AP3B1: variants seen among roughly 807,000 people sequenced by gnomAD.
AP3B1 encodes adaptor related protein complex 3 subunit beta 1, also known as AP-3 complex subunit beta-1.
A neutral mutation model predicts 132.5 loss-of-function variants in AP3B1; 61 were observed. That is an observed-to-expected ratio of 0.46 (90% CI 0.37 to 0.57). AP3B1 has a LOEUF of 0.57. AP3B1 is among the 20% of genes least tolerant of loss of function. The pLI is 0.00. For synonymous variants in AP3B1, 388 were observed against 438.3 expected (o/e 0.89, Z 1.43); for missense variants, 1,120 against 1,289.4 (o/e 0.87, Z 2.01).
chr5:78,077,549 T>C (rs1453823050), intron 22 of AP3B1, among the ~76,000 whole-genome samples: 1 of 152,204 alleles, frequency 6.6e-6, no homozygotes, highest in Non-Finnish European at 1.5e-5. Context: ...TGACAGTGCG[T>C]CACCAACATA....
chr5:78,277,479 T>A lies in AP3B1; in HGVS notation c.129-9884A>T, dbSNP rs146591474. 6.1e-3 allele frequency among the ~76,000 whole-genome samples: 930 copies of A among 152,146 alleles called. 1 individual carries two copies. Among genetic ancestry groups the A allele is most frequent in the Middle Eastern group, 0.014 (4 of 294 alleles). On this transcript the variant is annotated intron_variant, in intron 1 of 26. Transcript: ENST00000255194. Reference sequence around the variant, plus strand: ...AACAAAAACATAAAGAAAGATCAGATAAGTAGTACACAAACAATTAAAATA... The same window carrying A: ...AACAAAAACATAAAGAAAGATCAGAAAAGTAGTACACAAACAATTAAAATA...
At chr5:78,136,681 T>A (rs1408106224) in intron 15 of AP3B1, among the ~76,000 whole-genome samples, 3 of 152,118 alleles carry the variant, frequency 2.0e-5, no homozygotes, top group African/African-American at 7.2e-5. Context: ...GTAGTATTTA[T>A]TTGTTAACCA....
chr5:78,047,801 C>A (rs2112118164), intron 22 of AP3B1, among the ~76,000 whole-genome samples: 1 of 152,352 alleles, frequency 6.6e-6, no homozygotes, highest in South Asian at 2.1e-4. Context: ...TGTCCTTTGT[C>A]TCTGACCAGG....
intron 7 of AP3B1, among the ~76,000 whole-genome samples, chr5:78,186,557 T>TA (rs1375487773): frequency 1.3e-5 from 2 of 152,302 alleles, no homozygotes; most frequent in African/African-American, 4.8e-5. Flanking sequence ...AATACTGTAT[T>TA]AGAGTTTTGC....
chr5:78,157,297 A>G (rs571322226), intron 13 of AP3B1, among the ~76,000 whole-genome samples: 11 of 152,292 alleles, frequency 7.2e-5, no homozygotes, highest in Admixed American at 5.2e-4. Context: ...GTGTTACATC[A>G]TATCTTGTTG....
At chr5:78,068,221 G>A (rs116229684) in intron 22 of AP3B1, among the ~76,000 whole-genome samples, 2,290 of 152,222 alleles carry the variant, frequency 0.015, 50 homozygotes, top group African/African-American at 0.051. Context: ...CTATCGGGAC[G>A]CTAAGGCAAG....
chr5:78,179,784 A>T (rs1744292404), intron 8 of AP3B1, among the ~76,000 whole-genome samples: 1 of 151,466 alleles, frequency 6.6e-6, no homozygotes, highest in Non-Finnish European at 1.5e-5. Flanking sequence ...GTACGAGGTT[A>T]AAAAAAAATC....
chr5:78,229,481 C>T (rs143151219), intron 3 of AP3B1, among the ~76,000 whole-genome samples: 1,598 of 151,822 alleles, frequency 0.011, 31 homozygotes, highest in African/African-American at 0.037. Context: ...GCCTGTAATC[C>T]CAGCACTTTG....
Position 78,216,219 on chromosome 5 carries a change from C to G in AP3B1, c.622G>C (p.Val208Leu). 1 of 1,613,956 alleles carries G rather than the reference C, an allele frequency of 6.2e-7. No homozygotes were observed. Among genetic ancestry groups the G allele is most frequent in the Middle Eastern group, 1.6e-4 (1 of 6,062 alleles). ...GGGCATACTTCTTCAAAAGCCATCA[C>G]AACACTGCCAGCTACCAACTAGAAA... ...DKSTLVAGSVVMAFEEVCPDR... is the reference protein window; with the variant it reads ...DKSTLVAGSVLMAFEEVCPDR... Residue 208 changes from valine (V) to leucine (L), a missense_variant, in exon 7 of 27, where the codon GTG becomes CTG. Coordinates refer to ENST00000255194, the MANE Select transcript of AP3B1 (RefSeq NM_003664.5).
At chr5:78,119,318 C>A (rs887184892) in intron 17 of AP3B1, among the ~76,000 whole-genome samples, 3 of 152,158 alleles carry the variant, frequency 2.0e-5, no homozygotes, top group Admixed American at 1.3e-4. Flanking sequence ...TCCTCACCAG[C>A]AACAGAACAA....
intron 3 of AP3B1, among the ~76,000 whole-genome samples, chr5:78,238,613 TA>T (rs1455468514): frequency 6.6e-6 from 1 of 152,022 alleles, no homozygotes; most frequent in Non-Finnish European, 1.5e-5. Context: ...TTTGTGTATC[TA>T]AACATAGAAA....
chr5:78,001,869 T>A (rs187090378), downstream of AP3B1: 1 of 152,204 alleles, frequency 6.6e-6, no homozygotes, highest in African/African-American at 2.4e-5. Context: ...TCTCTGATTA[T>A]AGAACAACCT....
intron 24 of AP3B1, among the ~76,000 whole-genome samples, chr5:78,022,820 A>G (rs1747161607): frequency 6.6e-6 from 1 of 152,116 alleles, no homozygotes; most frequent in Non-Finnish European, 1.5e-5. Flanking sequence ...TTTTTTAAGG[A>G]TTTACTGTGT....
At chr5:78,148,457 G>T (rs78637292) in intron 14 of AP3B1, among the ~76,000 whole-genome samples, 1 of 151,980 alleles carries the variant, frequency 6.6e-6, no homozygotes, top group Non-Finnish European at 1.5e-5. Flanking sequence ...ACTACTTTTT[G>T]AACACCAGAT....
chr5:78,180,644 AAGT>A (rs1744325424), intron 8 of AP3B1, among the ~76,000 whole-genome samples: 1 of 151,992 alleles, frequency 6.6e-6, no homozygotes, highest in Admixed American at 6.5e-5. Context: ...TTAAAATAAA[AAGT>A]AGAGAGGACT....
intron 22 of AP3B1, among the ~76,000 whole-genome samples, chr5:78,056,059 A>C (rs1748800154): frequency 6.6e-6 from 1 of 152,196 alleles, no homozygotes; most frequent in Non-Finnish European, 1.5e-5. Flanking sequence ...TTCAGTACCA[A>C]AATGACAGAA....
rs779897317 is a variant in AP3B1, at chr5:78,128,165, T to C, written c.1838-5A>G. 52 of 1,592,540 alleles carry C rather than the reference T, an allele frequency of 3.3e-5. No homozygotes were observed. The Admixed American group carries it at 3.7e-4, about 11-fold the overall frequency. On this transcript the variant is annotated splice_polypyrimidine_tract_variant and splice_region_variant and intron_variant, in intron 16 of 26. Transcript: ENST00000255194. ...CAAGCTGGAAATGATCTCTATCTAT[T>C]AAAAATAGGGAAAAATATAAAATAA...
intron 17 of AP3B1, among the ~76,000 whole-genome samples, chr5:78,123,853 T>C (rs570670045): frequency 1.1e-3 from 163 of 152,266 alleles, no homozygotes; most frequent in African/African-American, 3.7e-3. Flanking sequence ...ACTGGGTATA[T>C]ACCCAAAGGA....
In AP3B1 at chr5:78,051,914, G is replaced by T. The variant is rs370631779; in HGVS notation, c.2578-12640C>A. The stretch of plus-strand genomic sequence containing the variant: ...AAGATTTGTAATGCAGAAAGTCACA[G>T]TATTGTCTCATTTATCCTATAAACT... On this transcript the variant is annotated intron_variant, in intron 22 of 26. Coordinates refer to ENST00000255194, the MANE Select transcript of AP3B1 (RefSeq NM_003664.5). Among the ~76,000 whole-genome samples the T allele has an allele frequency of 7.2e-5, 11 of 152,194 alleles. No individual in the cohort carries two copies. The East Asian group carries it at 2.1e-3, about 29-fold the overall frequency.
Sources: allele counts gnomAD v4.1 joint callset (sites outside exome capture counted in the v4.1 genomes callset), GRCh38; gene constraint gnomAD v4.1.1; transcripts MANE v1.5; gene names NCBI Gene and HGNC (gene_info 2026-07-23, HGNC 2026-07-21).